The following CAMKMT variants were observed in gnomAD, a reference collection of about 807,000 sequenced individuals.
CAMKMT encodes calmodulin-lysine N-methyltransferase, also known as CaM KMT.
CAMKMT carries 53 observed loss-of-function variants against 48.0 expected under a neutral mutation model. That is an observed-to-expected ratio of 1.10 (90% CI 0.89 to 1.39). The LOEUF is 1.39. CAMKMT is among the 40% of genes most tolerant of loss of function. CAMKMT has a pLI of 0.00. For missense variants in CAMKMT, 428 were observed against 402.7 expected (o/e 1.06, Z -0.54); for synonymous variants, 165 against 152.3 (o/e 1.08, Z -0.61).
intron 3 of CAMKMT, among the ~76,000 whole-genome samples, chr2:44,589,853 C>T (rs1350190901): frequency 2.6e-5 from 2 of 75,908 alleles, no homozygotes; most frequent in East Asian, 4.9e-4. Flanking sequence ...GCCAAATCCC[C>T]CTCTGCGAGA....
intron 3 of CAMKMT, among the ~76,000 whole-genome samples, chr2:44,422,065 AT>A (rs1683969505): frequency 6.6e-6 from 1 of 152,176 alleles, no homozygotes; most frequent in Non-Finnish European, 1.5e-5. Context: ...TTGAAATGTA[AT>A]CCCCAGTGTT....
intron 10 of CAMKMT, among the ~76,000 whole-genome samples, chr2:44,771,302 T>C (rs1681099651): frequency 6.6e-6 from 1 of 152,250 alleles, no homozygotes; most frequent in Non-Finnish European, 1.5e-5. Context: ...TAATTTTGTC[T>C]TTATAAATAG....
chr2:44,408,154 T>A (rs534473063), intron 3 of CAMKMT, among the ~76,000 whole-genome samples: 1 of 151,280 alleles, frequency 6.6e-6, no homozygotes, highest in African/African-American at 2.4e-5. Flanking sequence ...GCCTCCCGAG[T>A]AGCTGGGACT....
At chr2:44,376,870 A>C (rs1331764244) in intron 2 of CAMKMT, among the ~76,000 whole-genome samples, 1 of 152,086 alleles carries the variant, frequency 6.6e-6, no homozygotes, top group African/African-American at 2.4e-5. Context: ...AAAACTCCCA[A>C]GGTTTGTTGT....
intron 3 of CAMKMT, among the ~76,000 whole-genome samples, chr2:44,411,680 G>C (rs549256835): frequency 6.6e-6 from 1 of 152,084 alleles, no homozygotes; most frequent in Admixed American, 6.5e-5. Context: ...TAACATTATT[G>C]TCTTTCTCTT....
intron 6 of CAMKMT, among the ~76,000 whole-genome samples, chr2:44,711,948 C>T (rs181429412): frequency 1.3e-3 from 195 of 152,236 alleles, no homozygotes; most frequent in Non-Finnish European, 2.0e-3. Flanking sequence ...CGACTTAAAC[C>T]ATTCTGGGTC....
At chr2:44,590,048 A>T (rs1021152456) in intron 3 of CAMKMT, among the ~76,000 whole-genome samples, 9 of 151,290 alleles carry the variant, frequency 5.9e-5, no homozygotes, top group Non-Finnish European at 1.0e-4. Context: ...TGTACATTCC[A>T]TCAAATTTTC....
At chr2:44,559,038 ATC>A (rs1668183839) in intron 3 of CAMKMT, among the ~76,000 whole-genome samples, 1 of 152,106 alleles carries the variant, frequency 6.6e-6, no homozygotes, top group African/African-American at 2.4e-5. Flanking sequence ...CTATCTAACT[ATC>A]TATCTATCAT....
intron 3 of CAMKMT, among the ~76,000 whole-genome samples, chr2:44,650,298 G>C (rs997822379): frequency 2.0e-5 from 3 of 152,114 alleles, no homozygotes; most frequent in Non-Finnish European, 4.4e-5. Context: ...CTCTCCCTGG[G>C]TGTCTCTCTG....
chr2:44,598,513 C>G (rs1338180542), intron 3 of CAMKMT, among the ~76,000 whole-genome samples: 1 of 151,404 alleles, frequency 6.6e-6, no homozygotes, highest in Non-Finnish European at 1.5e-5. Context: ...TAGCATTGTC[C>G]TCTTCAATGA....
chr2:44,627,908 C>T (rs969519065), intron 3 of CAMKMT, among the ~76,000 whole-genome samples: 1 of 151,812 alleles, frequency 6.6e-6, no homozygotes, highest in Admixed American at 6.6e-5. Flanking sequence ...CCATGTTGGC[C>T]AGGCTGGTCT....
chr2:44,768,361 A>ATATATATATATATTTTTTTT (rs35058824), intron 10 of CAMKMT, among the ~76,000 whole-genome samples: 1 of 115,744 alleles, frequency 8.6e-6, no homozygotes, highest in African/African-American at 3.7e-5. Context: ...ATATATATAT[A>ATATATATATATATTTTTTTT]TTTTTTTTTT....
intron 3 of CAMKMT, among the ~76,000 whole-genome samples, chr2:44,466,483 C>T (rs77292344): frequency 5.3e-5 from 8 of 151,908 alleles, no homozygotes; most frequent in Non-Finnish European, 1.0e-4. Flanking sequence ...CAAATGAAAA[C>T]GAATACACAA....
chr2:44,388,765 A>T (rs938205690), intron 2 of CAMKMT, among the ~76,000 whole-genome samples: 2 of 152,094 alleles, frequency 1.3e-5, no homozygotes, highest in Non-Finnish European at 2.9e-5. Context: ...AACTGCTGTG[A>T]TGTCTCTCCT....
intron 3 of CAMKMT, among the ~76,000 whole-genome samples, chr2:44,491,402 C>T (rs1383102892): frequency 2.0e-5 from 3 of 152,266 alleles, no homozygotes; most frequent in East Asian, 1.9e-4. Flanking sequence ...TAAAATACCT[C>T]TCCCTATCCT....
intron 4 of CAMKMT, chr2:44,705,299 C>CT: frequency 1.0e-6 from 1 of 975,674 alleles, no homozygotes; most frequent in Non-Finnish European, 1.2e-6. Context: ...TTTAATTTTG[C>CT]TTTTTTTCTC....
At chr2:44,441,353 G>A (rs1666649198) in intron 3 of CAMKMT, among the ~76,000 whole-genome samples, 1 of 152,026 alleles carries the variant, frequency 6.6e-6, no homozygotes, top group Non-Finnish European at 1.5e-5. Context: ...TAACATCTAG[G>A]ATAACAAGTG....
intron 3 of CAMKMT, among the ~76,000 whole-genome samples, chr2:44,554,590 C>G (rs7609431): frequency 0.59 from 89,656 of 151,972 alleles, 27,036 homozygotes; most frequent in Middle Eastern, 0.68. Context: ...TAAAAAATTA[C>G]TTGAGCATAG....
intron 3 of CAMKMT, among the ~76,000 whole-genome samples, chr2:44,579,713 T>C (rs968003845): frequency 6.6e-6 from 1 of 152,168 alleles, no homozygotes; most frequent in Non-Finnish European, 1.5e-5. Flanking sequence ...GCTGATTTAC[T>C]CCAGACAGTG....
Sources: gnomAD v4.1 joint callset for allele counts (sites outside exome capture counted in the v4.1 genomes callset) on GRCh38, gnomAD v4.1.1 for gene constraint, MANE v1.5 for transcripts, NCBI Gene and HGNC (gene_info 2026-07-23, HGNC 2026-07-21) for gene names.